Variants in IQCJ observed in about 807,000 individuals in gnomAD.
IQCJ encodes the protein IQ motif containing J, also known as IQ domain-containing protein J.
IQCJ carries 9 observed loss-of-function variants against 11.0 expected under a neutral mutation model. That is an observed-to-expected ratio of 0.82 (90% CI 0.49 to 1.43). The LOEUF (loss-of-function observed/expected upper bound fraction) is 1.43. Ranked by LOEUF, IQCJ falls within the 40% of genes most tolerant of loss-of-function variation. The probability of loss-of-function intolerance (pLI) is 0.00; values close to 1 mark genes in which losing one functional copy is unlikely to be tolerated. For missense variants in IQCJ, 146 were observed against 133.2 expected (o/e 1.10, Z -0.47); for synonymous variants, 55 against 51.3 (o/e 1.07, Z -0.31).
chr3:159,169,066 T>C (rs1258587604), intron 1 of IQCJ, among the ~76,000 whole-genome samples: 3 of 152,158 alleles, frequency 2.0e-5, no homozygotes, highest in Non-Finnish European at 2.9e-5. Context: ...TGATCTCTTT[T>C]TTATACATTA....
At chr3:159,251,599 A>C (rs1323595672) in intron 2 of IQCJ, among the ~76,000 whole-genome samples, 4 of 147,252 alleles carry the variant, frequency 2.7e-5, no homozygotes, top group African/African-American at 9.9e-5. Flanking sequence ...TGGGGGAGTA[A>C]TGTTTCTTGA....
intron 1 of IQCJ, among the ~76,000 whole-genome samples, chr3:159,238,232 A>T (rs1726706642): frequency 6.6e-6 from 1 of 152,156 alleles, no homozygotes; most frequent in South Asian, 2.1e-4. Context: ...GAGAGAAAAA[A>T]TATTCAACTT....
At chr3:159,231,944 G>A (rs1157808258) in intron 1 of IQCJ, among the ~76,000 whole-genome samples, 1 of 152,112 alleles carries the variant, frequency 6.6e-6, no homozygotes, top group African/African-American at 2.4e-5. Context: ...TTCTTTGATG[G>A]TAGCTTGTAT....
chr3:159,261,496 TC>T (rs1233332223), intron 3 of IQCJ, among the ~76,000 whole-genome samples: 1 of 152,150 alleles, frequency 6.6e-6, no homozygotes, highest in African/African-American at 2.4e-5. Flanking sequence ...TGGGGCAATT[TC>T]CCCCATGCCG....
At chr3:159,095,236 C>A (rs1399402182) in intron 1 of IQCJ, among the ~76,000 whole-genome samples, 3 of 151,766 alleles carry the variant, frequency 2.0e-5, no homozygotes, top group South Asian at 4.2e-4. Flanking sequence ...AAATCACAAT[C>A]TTAATTTTTA....
intron 1 of IQCJ, among the ~76,000 whole-genome samples, chr3:159,216,761 C>A (rs543874969): frequency 6.6e-6 from 1 of 151,988 alleles, no homozygotes; most frequent in Non-Finnish European, 1.5e-5. Context: ...GTTCAGTTGG[C>A]AATACAATAG....
chr3:159,125,036 G>T (rs55920104), intron 1 of IQCJ, among the ~76,000 whole-genome samples: 43,315 of 152,054 alleles, frequency 0.28, 7,199 homozygotes, highest in Non-Finnish European at 0.39. Context: ...GATGCACATA[G>T]TGACTTCTTT....
At chr3:159,116,653 TATATATATATATATATAC>T (rs1387805387) in intron 1 of IQCJ, among the ~76,000 whole-genome samples, 1,266 of 37,760 alleles carry the variant, frequency 0.034, 36 homozygotes, top group Admixed American at 0.041. Context: ...TATATATATA[TATATATATATATATATAC>T]ACCCTTCATC....
At chr3:159,159,759 T>C (rs1323845143) in intron 1 of IQCJ, among the ~76,000 whole-genome samples, 1 of 152,144 alleles carries the variant, frequency 6.6e-6, no homozygotes, top group Admixed American at 6.6e-5. Flanking sequence ...CCCTCGTAAA[T>C]GGTTTGGTGC....
chr3:159,199,297 G>T (rs925662974), intron 1 of IQCJ, among the ~76,000 whole-genome samples: 2 of 152,172 alleles, frequency 1.3e-5, no homozygotes, highest in African/African-American at 4.8e-5. Context: ...ACCAAAGCAG[G>T]TGTCATAATT....
chr3:159,116,506 T>C (rs1328782126), intron 1 of IQCJ, among the ~76,000 whole-genome samples: 2 of 151,058 alleles, frequency 1.3e-5, no homozygotes, highest in Non-Finnish European at 3.0e-5. Context: ...ACTGTTGCCA[T>C]TTTGAAGTTG....
At chr3:159,248,835 C>T (rs1206487357) in intron 2 of IQCJ, among the ~76,000 whole-genome samples, 1 of 151,768 alleles carries the variant, frequency 6.6e-6, no homozygotes, top group Non-Finnish European at 1.5e-5. Flanking sequence ...TTTATTAAAC[C>T]TGGCCATGCT....
intron 1 of IQCJ, among the ~76,000 whole-genome samples, chr3:159,087,473 G>C (rs903973620): frequency 9.2e-5 from 14 of 151,366 alleles, no homozygotes; most frequent in Admixed American, 5.3e-4. Flanking sequence ...CTATTGATTG[G>C]AATAGTTTCA....
intron 1 of IQCJ, among the ~76,000 whole-genome samples, chr3:159,233,814 C>A (rs1201215905): frequency 6.6e-6 from 1 of 152,054 alleles, no homozygotes; most frequent in Non-Finnish European, 1.5e-5. Flanking sequence ...ACACAAAACA[C>A]CTTTAAATAT....
At chr3:159,207,619 T>TA in intron 1 of IQCJ, among the ~76,000 whole-genome samples, 1 of 152,096 alleles carries the variant, frequency 6.6e-6, no homozygotes, top group Non-Finnish European at 1.5e-5. Flanking sequence ...CCTAATGGAG[T>TA]CATATTCTCG....
At chr3:159,238,547 C>A (rs1726726264) in intron 1 of IQCJ, among the ~76,000 whole-genome samples, 1 of 152,162 alleles carries the variant, frequency 6.6e-6, no homozygotes, top group South Asian at 2.1e-4. Context: ...ATAAGCACAT[C>A]AAAGTGAGTA....
At chr3:159,207,122 C>T (rs1415690527) in intron 1 of IQCJ, among the ~76,000 whole-genome samples, 3 of 152,116 alleles carry the variant, frequency 2.0e-5, no homozygotes, top group Non-Finnish European at 4.4e-5. Context: ...CTACTGAAAC[C>T]TAGAATTACT....
intron 1 of IQCJ, among the ~76,000 whole-genome samples, chr3:159,232,412 G>A (rs1192457255): frequency 2.0e-5 from 3 of 148,242 alleles, no homozygotes; most frequent in African/African-American, 7.5e-5. Flanking sequence ...TCAGGAGCAG[G>A]TTGTTCAGTT....
intron 1 of IQCJ, among the ~76,000 whole-genome samples, chr3:159,203,871 G>A (rs1375408): frequency 0.16 from 24,989 of 152,116 alleles, 2,660 homozygotes; most frequent in South Asian, 0.37. Context: ...TATGTCAAGA[G>A]CAGTTTTCTG....
Sources: gnomAD v4.1 joint callset for allele counts (sites outside exome capture counted in the v4.1 genomes callset) on GRCh38, gnomAD v4.1.1 for gene constraint, MANE v1.5 for transcripts, NCBI Gene and HGNC (gene_info 2026-07-23, HGNC 2026-07-21) for gene names.